QRICH2: variants seen among roughly 807,000 people sequenced by gnomAD.
QRICH2 encodes the protein glutamine-rich protein 2.
QRICH2 carries 119 observed loss-of-function variants against 168.3 expected under a neutral mutation model. That is an observed-to-expected ratio of 0.71 (90% CI 0.61 to 0.82). QRICH2 has a LOEUF of 0.82. Ranked by LOEUF, QRICH2 falls within the 40% of genes least tolerant of loss-of-function variation. The pLI, the probability that QRICH2 is intolerant of heterozygous loss-of-function variation, is 0.00. For synonymous variants in QRICH2, 894 were observed against 951.2 expected, an observed-to-expected ratio of 0.94 and a Z score of 1.11; for missense variants, 2,241 against 2,491.6, an observed-to-expected ratio of 0.90 and a Z score of 2.14.
At chr17:76,308,346 C>CG (rs1376771440), upstream of QRICH2, 19 of 985,236 alleles carry the variant, frequency 1.9e-5, no homozygotes, top group East Asian at 1.2e-3. Flanking sequence ...GCCACGGGGG[C>CG]GGGGGGAAGT....
At position 76,280,522 on chromosome 17, in the gene QRICH2, T is replaced by A. The variant is rs760762562; in HGVS notation, c.4462-71A>T. On this transcript the variant is annotated intron_variant, in intron 10 of 18. Transcript: ENST00000680821. The surrounding 1 kb of genome is among the most constrained non-coding windows in gnomAD (Gnocchi z 7.4). ...GGAGGGGCCCCATTCCCTGGGGGTGTCGACCCCTATCACCAGGCAGGTTTC... is the reference window on the plus strand; with the variant it reads ...GGAGGGGCCCCATTCCCTGGGGGTGACGACCCCTATCACCAGGCAGGTTTC... 246 of 1,591,018 alleles carry A rather than the reference T, an allele frequency of 1.5e-4. 1 individual carries two copies. The highest frequency in any genetic ancestry group is 3.9e-4 in the Admixed American group (23 of 58,948).
chr17:76,288,542 T>TA (rs1451545031), intron 5 of QRICH2, among the ~76,000 whole-genome samples: 1 of 149,328 alleles, frequency 6.7e-6, no homozygotes, highest in Non-Finnish European at 1.5e-5. Flanking sequence ...CTGTCTCTAC[T>TA]AAAAATACTA....
rs149607397 is a variant in QRICH2 at position 76,304,988 on chromosome 17, C to A, written c.535-47G>T. 6.9e-6 allele frequency: 9 copies of A among 1,296,138 alleles called. No homozygotes were observed. In the East Asian group the frequency reaches 2.1e-4, roughly 30 times the overall value. 80.3% of individuals were successfully genotyped at this position (1,296,138 alleles called of 1,614,324 possible). A position where few individuals can be genotyped will look rare whatever the true frequency, so the allele number is the denominator to read the frequency against. Reference sequence around the variant, plus strand: ...GGAGAATGACAGTGGCCCCTACACACGCACACTCACATGCACACACACACA... The same window carrying A: ...GGAGAATGACAGTGGCCCCTACACAAGCACACTCACATGCACACACACACA... On this transcript the variant is annotated intron_variant, in intron 1 of 18. Transcript: ENST00000680821.
chr17:76,276,741 C>G lies in QRICH2; in HGVS notation c.5292G>C (p.Leu1764=). The G allele has an allele frequency of 1.2e-6, 2 of 1,613,300 alleles. No homozygotes were observed. Among genetic ancestry groups the G allele is most frequent in the Non-Finnish European group, 1.7e-6 (2 of 1,179,902 alleles). ...TCCGTCCCTTGTAAATGTGGCCATCCAGGCCCAAGATGTCCACCTCATCAT... is the reference window on the plus strand; with the variant it reads ...TCCGTCCCTTGTAAATGTGGCCATCGAGGCCCAAGATGTCCACCTCATCAT... ...MKHDEVDILG[L]DGHIYKGRMD... The change falls in exon 17 of 19, where the codon CTG becomes CTC. Residue 1764 remains leucine (L), a synonymous_variant. Coordinates refer to ENST00000680821, the MANE Select transcript of QRICH2 (RefSeq NM_001388453.1).
At chr17:76,286,047 T>C (rs946866759) in intron 7 of QRICH2, among the ~76,000 whole-genome samples, 4 of 150,886 alleles carry the variant, frequency 2.7e-5, no homozygotes, top group East Asian at 2.0e-4. Flanking sequence ...TGGTGGCAGG[T>C]GCCTGTAGTC....
intron 1 of QRICH2, among the ~76,000 whole-genome samples, chr17:76,306,148 GAC>G (rs2070986847): frequency 8.9e-6 from 1 of 112,886 alleles, no homozygotes; most frequent in South Asian, 3.0e-4. Flanking sequence ...CAGCCTGGGT[GAC>G]AGAGTGAGAA....
chr17:76,282,203 G>A lies in QRICH2; in HGVS notation c.4012-88C>T, dbSNP rs1598481544. 2.0e-6 allele frequency: 3 copies of A among 1,472,438 alleles called. No individual in the cohort carries two copies. In the East Asian group the frequency reaches 7.3e-5, roughly 36 times the overall value. 91.2% of individuals were successfully genotyped at this position (1,472,438 alleles called of 1,614,324 possible). A position where few individuals can be genotyped will look rare whatever the true frequency, so the allele number is the denominator to read the frequency against. ...TGCTGGCACTGCCCCTAGCCTGTGT[G>A]CCTCTCCCCTGTCGTGCCCTGGGCA... On this transcript the variant is annotated intron_variant, in intron 7 of 18. Coordinates refer to ENST00000680821, the MANE Select transcript of QRICH2 (RefSeq NM_001388453.1).
Position 76,280,068 on chromosome 17 carries a change from T to A in QRICH2, c.4713A>T (p.Pro1571=), listed in dbSNP as rs1568106537. 2 of 1,612,620 alleles carry A rather than the reference T, an allele frequency of 1.2e-6. No individual in the cohort carries two copies. The highest frequency in any genetic ancestry group is 2.2e-5 in the East Asian group (1 of 44,836). The change falls in exon 12 of 19, where the codon CCA becomes CCT. Residue 1571 remains proline, a synonymous_variant. Coordinates refer to ENST00000680821, the MANE Select transcript of QRICH2 (RefSeq NM_001388453.1). The surrounding 1 kb of genome is among the most constrained non-coding windows in gnomAD (Gnocchi z 7.4). ...CAGCCGCCTCGTCTGCCTGGTAGAGTGGGGGGCGCTCCCTGAGCTGCTGTC... is the reference window on the plus strand; with the variant it reads ...CAGCCGCCTCGTCTGCCTGGTAGAGAGGGGGGCGCTCCCTGAGCTGCTGTC... ...SLRQQLRERP[P]LYQADEAAAM... is the part of the protein sequence containing the mutation.
intron 3 of QRICH2, among the ~76,000 whole-genome samples, chr17:76,303,552 G>A (rs770818906): frequency 6.6e-6 from 1 of 152,126 alleles, no homozygotes; most frequent in African/African-American, 2.4e-5. Context: ...TCTCAAGACA[G>A]ACAGATGCAT....
At chr17:76,304,638 G>A in intron 2 of QRICH2, 113 bp from the exon 3 acceptor site, 3 of 781,174 alleles carry the variant, frequency 3.8e-6, no homozygotes, top group East Asian at 2.6e-5. Context: ...CCCAGCCCCA[G>A]GGAGAATTCA....
rs142475692 is a variant in QRICH2 at position 76,291,243 on chromosome 17, C to G, written c.3484G>C (p.Asp1162His). 1.5e-4 allele frequency: 248 copies of G among 1,614,054 alleles called. No individual in the cohort carries two copies. The highest frequency in any genetic ancestry group is 2.0e-4 in the Non-Finnish European group (239 of 1,180,042). ...TCGCTCCCTTCTGATAAGACTCGGT[C>G]GACGGAGTCTGGACTCCTGAAAAGA... Reference protein sequence around the residue: ...VTLFRSPDSVDRVLSEGSEVS... With the variant: ...VTLFRSPDSVHRVLSEGSEVS... Residue 1162 changes from aspartate to histidine, a missense_variant, in exon 4 of 19, where the codon GAC (aspartate) becomes CAC (histidine). Asp to His is a moderately conservative substitution (Grantham distance 81). Coordinates refer to ENST00000680821, the MANE Select transcript of QRICH2 (RefSeq NM_001388453.1).
At chr17:76,299,058 C>T (rs902904526) in intron 3 of QRICH2, among the ~76,000 whole-genome samples, 3 of 152,052 alleles carry the variant, frequency 2.0e-5, no homozygotes, top group African/African-American at 7.2e-5. Flanking sequence ...CTGCTGATGG[C>T]AACTTTTGCA....
Position 76,293,426 on chromosome 17 carries a change from G to A in QRICH2, c.1301C>T (p.Pro434Leu). Residue 434 changes from proline to leucine, a missense_variant, in exon 4 of 19, where the codon CCA becomes CTA. Pro to Leu is a moderately conservative substitution (Grantham distance 98, BLOSUM62 -3). Around this residue, in one of 3 missense-constraint regions of QRICH2, gnomAD observed 2,047 missense variants for 2,303.8 expected, o/e 0.89. Coordinates refer to ENST00000680821, the MANE Select transcript of QRICH2 (RefSeq NM_001388453.1). ...PPEMDDRELI[P>L]FVVDEQRMLP... is the part of the protein sequence containing the mutation. ...CATACGTTGCTCATCCACGACAAAT[G>A]GTATCAATTCCCGATCATCCATTTC... 1 of 1,614,174 alleles carries A rather than the reference G, an allele frequency of 6.2e-7. No individual in the cohort carries two copies. Among genetic ancestry groups the A allele is most frequent in the Non-Finnish European group, 8.5e-7 (1 of 1,180,032 alleles).
At chr17:76,275,047 T>G (rs1298948117) in intron 18 of QRICH2, among the ~76,000 whole-genome samples, 2 of 151,930 alleles carry the variant, frequency 1.3e-5, no homozygotes, top group Non-Finnish European at 2.9e-5. Context: ...AGGGCTGGAG[T>G]GATGCTGGAG....
rs867760382 is a variant in QRICH2, at chr17:76,293,753, G to A, written c.974C>T (p.Pro325Leu). 6.2e-7 allele frequency: 1 copy of A among 1,614,022 alleles called. No homozygotes were observed. The highest frequency in any genetic ancestry group is 8.5e-7 in the Non-Finnish European group (1 of 1,179,934). Residue 325 changes from proline to leucine, a missense_variant, in exon 4 of 19, where the codon CCA (proline) becomes CTA (leucine). Physicochemically the swap from Pro to Leu is moderately conservative, Grantham distance 98. This residue lies in a region of QRICH2 where 2,047 missense variants were observed against 2,303.8 expected (regional missense o/e 0.89). Transcript: ENST00000680821. ...QPRARDEAGV[P>L]RLHQSSTFQF... ...GAATGTAGAAGACTGATGGAGTCGT[G>A]GCACGCCAGCTTCATCACGGGCCCT...
intron 5 of QRICH2, among the ~76,000 whole-genome samples, chr17:76,288,412 A>AAG (rs1241926180): frequency 0.02 from 2,761 of 140,606 alleles, 205 homozygotes; most frequent in African/African-American, 0.075. Flanking sequence ...AAAAAAAAAA[A>AAG]GGAATGACTG....
At chr17:76,309,328 C>T (rs1226391544), upstream of QRICH2, among the ~76,000 whole-genome samples, 7 of 148,220 alleles carry the variant, frequency 4.7e-5, no homozygotes, top group African/African-American at 1.8e-4. Flanking sequence ...TGCACCCCAG[C>T]CTGGGCGACA....
In QRICH2 at chr17:76,293,461, C is replaced by T. The variant is rs2071050067; in HGVS notation, c.1266G>A (p.Val422=). 3 of 1,614,162 alleles carry T rather than the reference C, an allele frequency of 1.9e-6. No homozygotes were observed. The highest frequency in any genetic ancestry group is 2.2e-5 in the East Asian group (1 of 44,876). ...CCCGATCATCCATTTCAGGTGGTGG[C>T]ACACCAAGCTGACCCATGCTGAGGG... ...VVPLSMGQLG[V]PPPEMDDREL... is the part of the protein sequence containing the mutation. Residue 422 remains valine (V), a synonymous_variant, in exon 4 of 19, where the codon GTG becomes GTA. Transcript: ENST00000680821.
In QRICH2 at chr17:76,280,174, G is replaced by T. The variant is rs766404533; in HGVS notation, c.4627-20C>A. ...GTCCAGCTGTGGCGGGGAAAGAGGG[G>T]CCAGGGGACCTCTAAGGAAGCAGGT... On this transcript the variant is annotated intron_variant, in intron 11 of 18. Coordinates refer to ENST00000680821, the MANE Select transcript of QRICH2 (RefSeq NM_001388453.1). The surrounding 1 kb of genome is among the most constrained non-coding windows in gnomAD (Gnocchi z 7.4). 1 of 1,611,794 alleles carries T rather than the reference G, an allele frequency of 6.2e-7. No homozygotes were observed. The highest frequency in any genetic ancestry group is 1.1e-5 in the South Asian group (1 of 90,872).
Sources: allele counts gnomAD v4.1 joint callset (sites outside exome capture counted in the v4.1 genomes callset), GRCh38; gene constraint gnomAD v4.1.1; regional missense constraint gnomAD v4.1.1; non-coding constraint Gnocchi (gnomAD v3.1); transcripts MANE v1.5; gene names NCBI Gene and HGNC (gene_info 2026-07-23, HGNC 2026-07-21).